The following MMP15 variants were observed in gnomAD, a reference collection of about 807,000 sequenced individuals.
MMP15 encodes the protein matrix metallopeptidase 15.
MMP15 carries 36 observed loss-of-function variants against 65.0 expected under a neutral mutation model. The observed-to-expected ratio is 0.55, with a 90% confidence interval of 0.42 to 0.73. MMP15 has a LOEUF of 0.73. Ranked by LOEUF, MMP15 falls within the 30% of genes least tolerant of loss-of-function variation. The pLI, the probability that MMP15 is intolerant of heterozygous loss-of-function variation, is 0.00. For synonymous variants in MMP15, 428 were observed against 410.2 expected (o/e 1.04, Z -0.52); for missense variants, 870 against 987.8 (o/e 0.88, Z 1.60).
chr16:58,026,296 G>A lies in MMP15; in HGVS notation c.-55G>A. The A allele has an allele frequency of 8.0e-7, 1 of 1,248,038 alleles. No individual in the cohort carries two copies. Among genetic ancestry groups the A allele is most frequent in the East Asian group, 3.2e-5 (1 of 31,460 alleles). The allele number at this position is 1,248,038 out of a possible 1,614,324, so 77.3% of individuals were successfully genotyped here. On this transcript the variant is annotated 5_prime_UTR_variant, in exon 1 of 10. Transcript: ENST00000219271. The stretch of plus-strand genomic sequence containing the variant: ...GCCAGGGAGCGTCGCAAGTTTCCAA[G>A]GCGCGTGCGAGGATCCGGCGTGCAG...
rs757896283 is a variant in MMP15, at chr16:58,026,506, T to G, written c.156T>G (p.His52Gln). 13 of 1,354,260 alleles carry G rather than the reference T, an allele frequency of 9.6e-6. No homozygotes were observed. The highest frequency in any genetic ancestry group is 1.1e-5 in the Non-Finnish European group (12 of 1,051,136). 83.9% of individuals were successfully genotyped at this position (1,354,260 alleles called of 1,614,324 possible). A position where few individuals can be genotyped will look rare whatever the true frequency, so the allele number is the denominator to read the frequency against. Residue 52 changes from histidine to glutamine, a missense_variant, in exon 1 of 10, where the codon CAT becomes CAG. Transcript: ENST00000219271. ...LGVAAEDAEV[H>Q]AENWLRLYGY... The stretch of plus-strand genomic sequence containing the variant: ...TAGCGGCCGAAGACGCGGAGGTCCA[T>G]GCCGAGGTAAGACCCCCGCCCTGCC...
chr16:58,031,591 TAAG>T (rs1280022755), intron 1 of MMP15, among the ~76,000 whole-genome samples: 1 of 152,142 alleles, frequency 6.6e-6, no homozygotes, highest in Admixed American at 6.5e-5. Flanking sequence ...TCCTCCAAGT[TAAG>T]GAGTGTGGGG....
chr16:58,035,354 C>T (rs760735668), intron 1 of MMP15, among the ~76,000 whole-genome samples: 4 of 152,200 alleles, frequency 2.6e-5, no homozygotes, highest in African/African-American at 9.7e-5. Context: ...GGCCTCCTGC[C>T]TCCCTCCACT....
chr16:58,036,200 C>T (rs1036934972), intron 1 of MMP15, among the ~76,000 whole-genome samples: 2 of 152,156 alleles, frequency 1.3e-5, no homozygotes, highest in Admixed American at 1.3e-4. Flanking sequence ...GTCCAAGGTC[C>T]AGGGCAGCCC....
At position 58,041,633 on chromosome 16, in the gene MMP15, G is replaced by C; in HGVS notation, c.927G>C (p.Gln309His). 1 of 1,574,794 alleles carries C rather than the reference G, an allele frequency of 6.4e-7. No individual in the cohort carries two copies. Among genetic ancestry groups the C allele is most frequent in the Non-Finnish European group, 8.6e-7 (1 of 1,161,530 alleles). Residue 309 changes from glutamine to histidine, a missense_variant, in exon 6 of 10, where the codon CAG (glutamine) becomes CAC (histidine). Physicochemically the swap from Gln to His is conservative, Grantham distance 24. Coordinates refer to ENST00000219271, the MANE Select transcript of MMP15 (RefSeq NM_002428.4). ...TCTCTGCAGGTACCCCAGACGGTCA[G>C]CCACAGCCTACCCAGCCTCTCCCCA... ...IQQLYGTPDG[Q>H]PQPTQPLPTV...
At chr16:58,029,282 C>G (rs1034768876) in intron 1 of MMP15, among the ~76,000 whole-genome samples, 14 of 152,258 alleles carry the variant, frequency 9.2e-5, no homozygotes, top group African/African-American at 2.9e-4. Context: ...TCAGTCTCTA[C>G]TAGCACTTCC....
rs1182989119 is a variant in MMP15, at chr16:58,043,642, C to T, written c.1570+15C>T. Reference sequence around the variant, plus strand: ...CAATGACGCAGGTACCTGGCCAGCCCCTCCCAGTTTGCCCAGCACCTAATA... The same window carrying T: ...CAATGACGCAGGTACCTGGCCAGCCTCTCCCAGTTTGCCCAGCACCTAATA... On this transcript the variant is annotated intron_variant, in intron 9 of 9. Transcript: ENST00000219271. The T allele has an allele frequency of 1.4e-5, 23 of 1,586,770 alleles. No individual in the cohort carries two copies. The highest frequency in any genetic ancestry group is 2.0e-5 in the Non-Finnish European group (23 of 1,164,854).
rs550809268 is a variant in MMP15 at position 58,040,905 on chromosome 16, G to C, written c.910+207G>C. ...TGCCTCCAGGGCCTGGGCCTCACTC[G>C]AGGCTGTGGCTGCAGGCTAGAGGCC... On this transcript the variant is annotated intron_variant, in intron 5 of 9. Transcript: ENST00000219271. 61 of 727,052 alleles carry C rather than the reference G, an allele frequency of 8.4e-5. No individual in the cohort carries two copies. In the South Asian group the frequency reaches 9.8e-4, roughly 12 times the overall value. The allele number at this position is 727,052 out of a possible 1,614,324, so 45.0% of individuals were successfully genotyped here.
intron 3 of MMP15, among the ~76,000 whole-genome samples, chr16:58,039,444 G>A (rs1165411293): frequency 6.6e-6 from 1 of 152,124 alleles, no homozygotes; most frequent in African/African-American, 2.4e-5. Flanking sequence ...AAAGAAAGAA[G>A]GAAAGAAACT....
In MMP15 at chr16:58,041,897, C is replaced by T. The variant is rs771271121; in HGVS notation, c.1164+27C>T. 11 of 1,546,266 alleles carry T rather than the reference C, an allele frequency of 7.1e-6. No individual in the cohort carries two copies. The Middle Eastern group carries it at 8.8e-4, about 124-fold the overall frequency. On this transcript the variant is annotated intron_variant, in intron 6 of 9. Transcript: ENST00000219271. ...TCTGGCCCCGCCTCCCATGCCTGGC[C>T]CTGAGCCTTTTCCCTGGCTGCTCTG...
chr16:58,033,516 G>T (rs112401421), intron 1 of MMP15, among the ~76,000 whole-genome samples: 58 of 152,332 alleles, frequency 3.8e-4, no homozygotes, highest in African/African-American at 1.3e-3. Context: ...TGTGCCAGGG[G>T]CCAGGAACCA....
chr16:58,031,977 C>T (rs915865140), intron 1 of MMP15, among the ~76,000 whole-genome samples: 2 of 146,294 alleles, frequency 1.4e-5, no homozygotes, highest in African/African-American at 5.1e-5. Flanking sequence ...AGGCAATTCT[C>T]CTGCTTCAGC....
At position 58,042,373 on chromosome 16, in the gene MMP15, A is replaced by C; in HGVS notation, c.1303+4A>C. 1 of 1,613,388 alleles carries C rather than the reference A, an allele frequency of 6.2e-7. No individual in the cohort carries two copies. Among genetic ancestry groups the C allele is most frequent in the Non-Finnish European group, 8.5e-7 (1 of 1,179,578 alleles). On this transcript the variant is annotated splice_donor_region_variant and intron_variant, in intron 7 of 9. Transcript: ENST00000219271. ...GGTCGTTTTGTCTTTTTCAAAGGTG[A>C]GCAGAGGTAGGGTTAGAGGGTTGGG... is the stretch of plus-strand genomic sequence containing the variant.
intron 1 of MMP15, among the ~76,000 whole-genome samples, chr16:58,030,166 G>A (rs1313803014): frequency 6.6e-6 from 1 of 152,198 alleles, no homozygotes; most frequent in East Asian, 1.9e-4. Flanking sequence ...TGTTTTCTGA[G>A]TCAGCAAAGA....
In MMP15 at chr16:58,037,393, G is replaced by A; in HGVS notation, c.163-79G>A. 2.6e-6 allele frequency: 4 copies of A among 1,546,078 alleles called. No homozygotes were observed. The South Asian group carries it at 4.9e-5, about 19-fold the overall frequency. ...TAGAGCAGCGGTGGTGGAGGTGGTG[G>A]GAAGTGGTCGGCACAGGCTGTGCAT... is the stretch of plus-strand genomic sequence containing the variant. On this transcript the variant is annotated intron_variant, in intron 1 of 9. Transcript: ENST00000219271.
In MMP15 at chr16:58,038,281, C is replaced by T. The variant is rs1597064693; in HGVS notation, c.327C>T (p.Pro109=). 6.2e-7 allele frequency: 1 copy of T among 1,613,968 alleles called. No homozygotes were observed. The highest frequency in any genetic ancestry group is 8.5e-7 in the Non-Finnish European group (1 of 1,180,012). Residue 109 remains proline (P), a synonymous_variant, in exon 3 of 10, where the codon CCC becomes CCT. Coordinates refer to ENST00000219271, the MANE Select transcript of MMP15 (RefSeq NM_002428.4). ...CATGTCCCAGGTGGATGAAGCGGCC[C>T]CGCTGTGGGGTGCCAGACCAGTTCG... ...DEETKEWMKR[P]RCGVPDQFGV... is the part of the protein sequence containing the mutation.
At chr16:58,026,580 G>T in intron 1 of MMP15, 68 bp downstream of exon 1, 1 of 1,276,386 alleles carries the variant, frequency 7.8e-7, no homozygotes, top group South Asian at 2.5e-5. Flanking sequence ...ACGTCCGCAG[G>T]CTGGGACTTG....
intron 1 of MMP15, among the ~76,000 whole-genome samples, chr16:58,028,826 T>G (rs567984359): frequency 6.6e-6 from 1 of 152,344 alleles, no homozygotes; most frequent in South Asian, 2.1e-4. Context: ...ACCTGCAACC[T>G]GCCAGGCCCT....
Position 58,045,216 on chromosome 16 carries a change from G to A in MMP15, c.1780G>A (p.Val594Met), listed in dbSNP as rs760362949. 17 of 1,597,710 alleles carry A rather than the reference G, an allele frequency of 1.1e-5. No homozygotes were observed. Among genetic ancestry groups the A allele is most frequent in the African/African-American group, 2.7e-5 (2 of 74,974 alleles). ...CGGGGCGGACAGCGCAGAGGGCGAC[G>A]TGGGGGATGGGGATGGGGACTTTGG... ...EPGADSAEGDVGDGDGDFGAG... is the reference protein window; with the variant it reads ...EPGADSAEGDMGDGDGDFGAG... The change falls in exon 10 of 10, where the codon GTG (valine) becomes ATG (methionine). Residue 594 changes from valine (V) to methionine (M), a missense_variant. By Grantham distance (21) the Val-to-Met change is conservative. Coordinates refer to ENST00000219271, the MANE Select transcript of MMP15 (RefSeq NM_002428.4).
Sources: gnomAD v4.1 joint callset for allele counts (sites outside exome capture counted in the v4.1 genomes callset) on GRCh38, gnomAD v4.1.1 for gene constraint, MANE v1.5 for transcripts, NCBI Gene and HGNC (gene_info 2026-07-23, HGNC 2026-07-21) for gene names.